MACROD2: variants seen among roughly 807,000 people sequenced by gnomAD.
MACROD2 encodes mono-ADP ribosylhydrolase 2.
In MACROD2, 36 loss-of-function variants were observed where a neutral mutation model predicts 70.4. The observed-to-expected ratio is 0.51, with a 90% CI of 0.39 to 0.68. The LOEUF (loss-of-function observed/expected upper bound fraction) is 0.68, where lower values mean the gene tolerates loss of function less well. MACROD2 is among the 30% of genes least tolerant of loss of function. The pLI is 0.00. For synonymous variants in MACROD2, 172 were observed against 178.8 expected (o/e 0.96, Z 0.30); for missense variants, 496 against 538.4 (o/e 0.92, Z 0.78).
rs6135596 is a variant in MACROD2, at chr20:15,901,331, G to T, written c.775+15520G>T. ...CCACCATTTACAATGGTTTGATTTA[G>T]GATTTTTTGACTTGATGGTGTGAAA... On this transcript the variant is annotated intron_variant, in intron 10 of 17. Coordinates refer to ENST00000684519, the MANE Select transcript of MACROD2 (RefSeq NM_001351661.2). 2.6e-5 allele frequency among the ~76,000 whole-genome samples: 4 copies of T among 152,118 alleles called. No individual in the cohort carries two copies. In the South Asian group the frequency reaches 6.2e-4, roughly 24 times the overall value.
intron 8 of MACROD2, among the ~76,000 whole-genome samples, chr20:15,606,956 C>T (rs756474865): frequency 4.7e-5 from 7 of 150,036 alleles, no homozygotes; most frequent in South Asian, 4.2e-4. Flanking sequence ...GAGCCAAGAT[C>T]GCACCATTGC....
At chr20:15,670,390 C>T (rs568485523) in intron 8 of MACROD2, among the ~76,000 whole-genome samples, 3 of 152,282 alleles carry the variant, frequency 2.0e-5, no homozygotes, top group Middle Eastern at 3.4e-3. Context: ...CAGTCTCCGT[C>T]CTGATGCAAC....
At chr20:14,578,591 A>C (rs1200060843) in intron 4 of MACROD2, among the ~76,000 whole-genome samples, 1 of 144,584 alleles carries the variant, frequency 6.9e-6, no homozygotes, top group Non-Finnish European at 1.6e-5. Flanking sequence ...GTAGAATTTC[A>C]ACAACAGTGA....
intron 15 of MACROD2, among the ~76,000 whole-genome samples, chr20:16,036,285 C>CACT (rs545013968): frequency 1.4e-4 from 10 of 71,106 alleles, no homozygotes; most frequent in South Asian, 5.6e-4. Context: ...GGACTCCTCC[C>CACT]CCGGCCAGCA....
chr20:14,946,053 G>T (rs1278371620), intron 5 of MACROD2, among the ~76,000 whole-genome samples: 1 of 152,136 alleles, frequency 6.6e-6, no homozygotes, highest in African/African-American at 2.4e-5. Flanking sequence ...ACTAAAATTA[G>T]CCGGGCATAT....
intron 8 of MACROD2, among the ~76,000 whole-genome samples, chr20:15,667,475 C>A (rs1753497970): frequency 6.8e-6 from 1 of 147,266 alleles, no homozygotes; most frequent in African/African-American, 2.5e-5. Context: ...ATCTATGTAT[C>A]TATGTATCTA....
chr20:14,088,318 G>A (rs2054106075), intron 3 of MACROD2, among the ~76,000 whole-genome samples: 2 of 99,818 alleles, frequency 2.0e-5, no homozygotes, highest in Admixed American at 3.1e-4. Flanking sequence ...GTCAGAGCGA[G>A]ACTCCATCTA....
intron 5 of MACROD2, among the ~76,000 whole-genome samples, chr20:15,037,074 A>C (rs1046530005): frequency 4.6e-5 from 7 of 152,028 alleles, no homozygotes; most frequent in African/African-American, 1.4e-4. Context: ...TGCTTAGCTT[A>C]TCTGTGGTTT....
chr20:15,892,051 G>T (rs936840235), intron 10 of MACROD2, among the ~76,000 whole-genome samples: 1 of 152,140 alleles, frequency 6.6e-6, no homozygotes, highest in Admixed American at 6.5e-5. Flanking sequence ...AAACCACCAG[G>T]TGCCTAGAAA....
chr20:14,993,155 T>C (rs937097290), intron 5 of MACROD2, among the ~76,000 whole-genome samples: 4 of 152,126 alleles, frequency 2.6e-5, no homozygotes, highest in African/African-American at 9.7e-5. Flanking sequence ...GTTTCAATTA[T>C]CTAAAGCCAG....
chr20:15,718,946 A>C (rs2050745407), intron 8 of MACROD2, among the ~76,000 whole-genome samples: 1 of 152,230 alleles, frequency 6.6e-6, no homozygotes, highest in Admixed American at 6.5e-5. Flanking sequence ...GGCACTCTGC[A>C]CATTAAAGGT....
chr20:14,003,201 G>A (rs1011443012), intron 2 of MACROD2, among the ~76,000 whole-genome samples: 4 of 152,116 alleles, frequency 2.6e-5, no homozygotes, highest in African/African-American at 7.2e-5. Flanking sequence ...GAACTACACC[G>A]GGTACTATGG....
At chr20:15,389,843 G>C (rs1192221425) in intron 6 of MACROD2, among the ~76,000 whole-genome samples, 1 of 152,132 alleles carries the variant, frequency 6.6e-6, no homozygotes, top group East Asian at 1.9e-4. Context: ...TTCCTTCCCA[G>C]TCTACTGTAG....
chr20:15,381,752 G>A (rs528893777), intron 6 of MACROD2, among the ~76,000 whole-genome samples: 4 of 152,268 alleles, frequency 2.6e-5, no homozygotes, highest in South Asian at 2.1e-4. Flanking sequence ...ACTTACCAGC[G>A]TGGGAAGTGG....
chr20:14,818,363 G>A (rs2072797488), intron 5 of MACROD2, among the ~76,000 whole-genome samples: 3 of 152,052 alleles, frequency 2.0e-5, no homozygotes. Context: ...CTTCTGGAGT[G>A]GCTTTGGCTC....
intron 16 of MACROD2, 99 bp downstream of exon 16, chr20:16,041,377 C>A: frequency 2.1e-6 from 2 of 962,282 alleles, no homozygotes; most frequent in Non-Finnish European, 3.1e-6. Context: ...TATAAAGCAA[C>A]ATATTTGGTT....
intron 4 of MACROD2, among the ~76,000 whole-genome samples, chr20:14,530,766 G>A (rs1319751493): frequency 6.6e-6 from 1 of 152,162 alleles, no homozygotes; most frequent in Non-Finnish European, 1.5e-5. Context: ...TTTTAAGTGT[G>A]TGTTTAATTT....
intron 5 of MACROD2, among the ~76,000 whole-genome samples, chr20:15,214,095 G>A (rs1409112805): frequency 6.6e-6 from 1 of 152,034 alleles, no homozygotes; most frequent in Non-Finnish European, 1.5e-5. Context: ...TTCATTTCCA[G>A]CTTCTGTGCT....
intron 8 of MACROD2, among the ~76,000 whole-genome samples, chr20:15,577,453 G>A (rs964809029): frequency 6.6e-6 from 1 of 152,010 alleles, no homozygotes; most frequent in Non-Finnish European, 1.5e-5. Context: ...CATCATCACA[G>A]CTAAAAAACA....
Sources: gnomAD v4.1 joint callset for allele counts (sites outside exome capture counted in the v4.1 genomes callset) on GRCh38, gnomAD v4.1.1 for gene constraint, MANE v1.5 for transcripts, NCBI Gene and HGNC (gene_info 2026-07-23, HGNC 2026-07-21) for gene names.